PDGFD: variants seen among roughly 807,000 people sequenced by gnomAD.
PDGFD encodes platelet-derived growth factor D.
PDGFD carries 30 observed loss-of-function variants against 44.7 expected under a neutral mutation model. The observed-to-expected ratio is 0.67, with a 90% CI of 0.50 to 0.91. The LOEUF (loss-of-function observed/expected upper bound fraction) is 0.91. Among genes scored for constraint, PDGFD ranks in the 40% least tolerant of loss-of-function variants. The pLI is 0.00. For missense variants in PDGFD, 445 were observed against 457.8 expected (o/e 0.97, Z 0.25); for synonymous variants, 173 against 168.4 (o/e 1.03, Z -0.21).
intron 1 of PDGFD, among the ~76,000 whole-genome samples, chr11:104,005,812 CAGAGCACTGTACT>C (rs1859693910): frequency 6.6e-6 from 1 of 152,164 alleles, no homozygotes; most frequent in African/African-American, 2.4e-5. Context: ...CATGCTTAAC[CAGAGCACTGTACT>C]AGCTGTTAAA....
At chr11:104,085,704 A>G (rs1362860452) in intron 1 of PDGFD, among the ~76,000 whole-genome samples, 2 of 152,230 alleles carry the variant, frequency 1.3e-5, no homozygotes, top group East Asian at 3.9e-4. Flanking sequence ...ATTGTTTTAC[A>G]TTTTTGCACA....
chr11:104,114,178 C>A (rs1333818412), intron 1 of PDGFD, among the ~76,000 whole-genome samples: 2 of 151,978 alleles, frequency 1.3e-5, no homozygotes, highest in Admixed American at 1.3e-4. Flanking sequence ...CATCTGAGGT[C>A]ATCTAGATTT....
chr11:103,908,202 T>G lies in PDGFD; in HGVS notation c.*1492A>C. The G allele has an allele frequency of 6.6e-6, 1 of 152,244 alleles. No individual in the cohort carries two copies. The highest frequency in any genetic ancestry group is 1.9e-4 in the East Asian group (1 of 5,202). The allele number at this position is 152,244 out of a possible 1,614,324, so 9.4% of individuals were successfully genotyped here. A position where few individuals can be genotyped will look rare whatever the true frequency, so the allele number is the denominator to read the frequency against. ...AGTTCTCTGTTAGCAGTCCCTGAGC[T>G]ATCTGAATTTCGGTGTTTCTCTCTT... On this transcript the variant is annotated 3_prime_UTR_variant, in exon 7 of 7. Coordinates refer to ENST00000393158, the MANE Select transcript of PDGFD (RefSeq NM_025208.5).
rs1367659872 is a variant in PDGFD, at chr11:103,983,006, A to G, written c.510+13059T>C. On this transcript the variant is annotated intron_variant, in intron 3 of 6. Transcript: ENST00000393158. ...GGCCATACTGCCCAAAGAAATTTAT[A>G]GATTCAATGCTATTCCCATTAAATT... 2.0e-5 allele frequency among the ~76,000 whole-genome samples: 3 copies of G among 151,886 alleles called. No individual in the cohort carries two copies. The East Asian group carries it at 5.8e-4, about 29-fold the overall frequency.
chr11:104,028,387 CAA>C (rs1170606405), intron 1 of PDGFD, among the ~76,000 whole-genome samples: 5 of 151,032 alleles, frequency 3.3e-5, no homozygotes, highest in African/African-American at 1.2e-4. Context: ...CCTACGAACA[CAA>C]ATTATGGCTC....
At chr11:104,142,276 T>C (rs1862096451) in intron 1 of PDGFD, among the ~76,000 whole-genome samples, 1 of 152,168 alleles carries the variant, frequency 6.6e-6, no homozygotes, top group African/African-American at 2.4e-5. Flanking sequence ...TGTGTATTTA[T>C]ACATATACAC....
chr11:103,989,251 T>C (rs549956704), intron 3 of PDGFD, among the ~76,000 whole-genome samples: 5 of 152,326 alleles, frequency 3.3e-5, no homozygotes, highest in African/African-American at 7.2e-5. Flanking sequence ...ATCTCTGTAA[T>C]TGGTGAAATT....
intron 2 of PDGFD, among the ~76,000 whole-genome samples, chr11:103,996,969 C>G (rs981565451): frequency 6.6e-6 from 1 of 152,188 alleles, no homozygotes; most frequent in African/African-American, 2.4e-5. Context: ...TTCAAGAAGA[C>G]AGCAAAAGCT....
At chr11:104,126,260 ACT>A (rs1861839923) in intron 1 of PDGFD, among the ~76,000 whole-genome samples, 1 of 152,024 alleles carries the variant, frequency 6.6e-6, no homozygotes, top group Non-Finnish European at 1.5e-5. Context: ...GGAGGCACAA[ACT>A]CTCCTGTGCT....
chr11:104,077,906 G>A (rs2134426204), intron 1 of PDGFD, among the ~76,000 whole-genome samples: 1 of 152,142 alleles, frequency 6.6e-6, no homozygotes, highest in African/African-American at 2.4e-5. Flanking sequence ...ATCATCTGAA[G>A]GGGAAAATGT....
At chr11:104,080,324 G>GA (rs1861027812) in intron 1 of PDGFD, among the ~76,000 whole-genome samples, 2 of 151,636 alleles carry the variant, frequency 1.3e-5, no homozygotes, top group Admixed American at 1.3e-4. Context: ...ATGATGCTAA[G>GA]AAAAAAAATA....
At chr11:104,073,186 T>C (rs1373919516) in intron 1 of PDGFD, among the ~76,000 whole-genome samples, 1 of 152,132 alleles carries the variant, frequency 6.6e-6, no homozygotes, top group Non-Finnish European at 1.5e-5. Flanking sequence ...TAAGCTGCAA[T>C]TGAAGATAGT....
At chr11:104,127,227 G>T (rs1861854503) in intron 1 of PDGFD, among the ~76,000 whole-genome samples, 1 of 152,136 alleles carries the variant, frequency 6.6e-6, no homozygotes, top group South Asian at 2.1e-4. Context: ...TGTCTTTTCA[G>T]TGAATGATTC....
chr11:104,037,854 G>T (rs1455497830), intron 1 of PDGFD: 2 of 1,614,180 alleles, frequency 1.2e-6, no homozygotes, highest in South Asian at 2.2e-5. Context: ...CCATCGATTT[G>T]AAGAAAAATG....
At chr11:104,011,522 T>A (rs1351961476) in intron 1 of PDGFD, among the ~76,000 whole-genome samples, 1 of 152,104 alleles carries the variant, frequency 6.6e-6, no homozygotes. Context: ...GGGAACTATC[T>A]TATGATTACT....
chr11:103,931,112 A>G (rs1565287539), intron 5 of PDGFD, among the ~76,000 whole-genome samples: 1 of 152,190 alleles, frequency 6.6e-6, no homozygotes, highest in East Asian at 1.9e-4. Flanking sequence ...AATATTTCAC[A>G]TACTTGGCAA....
chr11:104,046,807 A>T (rs1459686777), intron 1 of PDGFD, among the ~76,000 whole-genome samples: 1 of 146,852 alleles, frequency 6.8e-6, no homozygotes. Context: ...TTTGTTACAC[A>T]GGTATACGCA....
intron 6 of PDGFD, among the ~76,000 whole-genome samples, chr11:103,922,398 C>T (rs1392736963): frequency 6.6e-6 from 1 of 152,112 alleles, no homozygotes; most frequent in Non-Finnish European, 1.5e-5. Context: ...TTTGAGAAAA[C>T]AAGAAAAGCA....
intron 1 of PDGFD, among the ~76,000 whole-genome samples, chr11:104,097,492 T>C (rs562298603): frequency 2.0e-5 from 3 of 152,220 alleles, no homozygotes; most frequent in African/African-American, 7.2e-5. Context: ...GGGTTGCTGA[T>C]AAAAGAACAT....
Sources: allele counts gnomAD v4.1 joint callset (sites outside exome capture counted in the v4.1 genomes callset), GRCh38; gene constraint gnomAD v4.1.1; transcripts MANE v1.5; gene names NCBI Gene and HGNC (gene_info 2026-07-23, HGNC 2026-07-21).